PCDH15: variants seen among roughly 807,000 people sequenced by gnomAD.
PCDH15 encodes the protein protocadherin related 15, also known as protocadherin-15.
In PCDH15, 129 loss-of-function variants were observed where a neutral mutation model predicts 178.5. The observed-to-expected ratio is 0.72, with a 90% CI of 0.63 to 0.84. The LOEUF (loss-of-function observed/expected upper bound fraction) is 0.84. Ranked by LOEUF, PCDH15 falls within the 40% of genes least tolerant of loss-of-function variation. PCDH15 has a pLI of 0.00. For missense variants in PCDH15, 2,230 were observed against 2,099.9 expected, an observed-to-expected ratio of 1.06 and a Z score of -1.21; for synonymous variants, 800 against 732.0, an observed-to-expected ratio of 1.09 and a Z score of -1.50.
At chr10:55,601,072 A>T (rs772946522) in intron 2 of PCDH15, among the ~76,000 whole-genome samples, 16 of 152,044 alleles carry the variant, frequency 1.1e-4, no homozygotes, top group Non-Finnish European at 1.9e-4. Context: ...TCAATAAATG[A>T]TCTAGGAGCT....
rs111494649 is a variant in PCDH15, at chr10:54,392,770, G to A, written c.158-13828C>T. Among the ~76,000 whole-genome samples the A allele has an allele frequency of 4.8e-3, 734 of 151,598 alleles. 8 individuals are homozygous for A. Among genetic ancestry groups the A allele is most frequent in the African/African-American group, 0.017 (688 of 41,336 alleles). On this transcript the variant is annotated intron_variant, in intron 3 of 37. Coordinates refer to ENST00000644397, the MANE Select transcript of PCDH15 (RefSeq NM_001384140.1). ...AAAAATTAGCTGGGCATGGTGGTGC[G>A]TTCCTGTAGTCTCAGATACTCGAGA...
intron 10 of PCDH15, among the ~76,000 whole-genome samples, chr10:54,204,961 T>C (rs1024902885): frequency 6.6e-6 from 1 of 152,156 alleles, no homozygotes; most frequent in Non-Finnish European, 1.5e-5. Context: ...AACCAAAATA[T>C]CTGACATGTA....
intron 3 of PCDH15, among the ~76,000 whole-genome samples, chr10:54,439,426 C>T (rs955270668): frequency 3.3e-5 from 5 of 151,964 alleles, no homozygotes; most frequent in Non-Finnish European, 5.9e-5. Context: ...TTTAATGAGG[C>T]GTAGTTGTCT....
intron 18 of PCDH15, among the ~76,000 whole-genome samples, chr10:54,040,336 G>T (rs2093515130): frequency 6.6e-6 from 1 of 151,814 alleles, no homozygotes; most frequent in South Asian, 2.1e-4. Flanking sequence ...GTCTCATGAG[G>T]TCTGGTCTGA....
intron 1 of PCDH15, among the ~76,000 whole-genome samples, chr10:54,759,076 C>G (rs1947533167): frequency 6.7e-6 from 1 of 148,554 alleles, no homozygotes; most frequent in African/African-American, 2.6e-5. Flanking sequence ...CCTTCCCTCC[C>G]CCTCCATCTT....
chr10:54,106,693 A>G (rs2094924011), intron 15 of PCDH15, among the ~76,000 whole-genome samples: 1 of 152,194 alleles, frequency 6.6e-6, no homozygotes, highest in African/African-American at 2.4e-5. Context: ...GGATCCACAC[A>G]CATAAGAAAA....
intron 2 of PCDH15, among the ~76,000 whole-genome samples, chr10:54,962,293 G>A (rs1838676951): frequency 6.6e-6 from 1 of 152,214 alleles, no homozygotes; most frequent in African/African-American, 2.4e-5. Context: ...CTGGCACTGG[G>A]CAGCCACCCC....
intron 2 of PCDH15, among the ~76,000 whole-genome samples, chr10:55,509,304 A>G (rs990594124): frequency 6.6e-6 from 1 of 151,762 alleles, no homozygotes; most frequent in Non-Finnish European, 1.5e-5. Flanking sequence ...AACAAATATT[A>G]CAGCACATAG....
At chr10:55,226,353 T>G in intron 1 of PCDH15, among the ~76,000 whole-genome samples, 1 of 151,044 alleles carries the variant, frequency 6.6e-6, no homozygotes, top group Non-Finnish European at 1.5e-5. Context: ...ATAGTTTTTT[T>G]GTTTTGTTTT....
intron 18 of PCDH15, among the ~76,000 whole-genome samples, chr10:54,061,187 G>A (rs994511547): frequency 1.3e-5 from 2 of 152,144 alleles, no homozygotes; most frequent in African/African-American, 4.8e-5. Context: ...AGTTGAGTAT[G>A]AGGCCTCTAG....
chr10:54,704,896 T>G (rs774115935), intron 1 of PCDH15, among the ~76,000 whole-genome samples: 2 of 152,158 alleles, frequency 1.3e-5, no homozygotes, highest in African/African-American at 2.4e-5. Context: ...TGTAGCACTA[T>G]TCACAATATC....
At chr10:55,601,181 G>A (rs1843068386) in intron 2 of PCDH15, among the ~76,000 whole-genome samples, 1 of 152,130 alleles carries the variant, frequency 6.6e-6, no homozygotes, top group Non-Finnish European at 1.5e-5. Flanking sequence ...TTGGCAAAGA[G>A]AATTACAATA....
At chr10:55,547,908 T>TGAGAGA (rs1297847854) in intron 2 of PCDH15, among the ~76,000 whole-genome samples, 3 of 35,296 alleles carry the variant, frequency 8.5e-5, no homozygotes, top group African/African-American at 3.8e-4. Flanking sequence ...TGTGTGTGTG[T>TGAGAGA]GTGAGAGAGA....
chr10:55,439,164 AATT>A (rs1317309251), intron 2 of PCDH15, among the ~76,000 whole-genome samples: 1 of 152,064 alleles, frequency 6.6e-6, no homozygotes, highest in Non-Finnish European at 1.5e-5. Flanking sequence ...CAGCCTCTCA[AATT>A]ATTTTTTCCA....
intron 20 of PCDH15, among the ~76,000 whole-genome samples, chr10:53,998,911 G>C (rs1315126996): frequency 6.6e-6 from 1 of 151,934 alleles, no homozygotes; most frequent in African/African-American, 2.4e-5. Flanking sequence ...AATAAGCCTG[G>C]CATGGTGGCG....
chr10:54,703,493 C>T (rs2095334567), intron 1 of PCDH15, among the ~76,000 whole-genome samples: 1 of 151,808 alleles, frequency 6.6e-6, no homozygotes, highest in African/African-American at 2.4e-5. Context: ...TAGTCTCTGC[C>T]CAAAAGCACC....
In PCDH15 at chr10:55,546,882, G is replaced by C. The variant is rs965620205; in HGVS notation, c.-156+80743C>G. The stretch of plus-strand genomic sequence containing the variant: ...GGGAGAAACAACAGGGAAAGATGAA[G>C]GGGAAAGGAAGCAGGAGGCAGCAGG... On this transcript the variant is annotated intron_variant, in intron 2 of 5. Transcript: ENST00000613346. 2.0e-5 allele frequency among the ~76,000 whole-genome samples: 3 copies of C among 152,096 alleles called. No individual in the cohort carries two copies. The East Asian group carries it at 5.8e-4, about 29-fold the overall frequency.
intron 8 of PCDH15, among the ~76,000 whole-genome samples, chr10:54,279,491 A>G (rs143459044): frequency 0.015 from 2,214 of 151,780 alleles, 46 homozygotes; most frequent in South Asian, 0.044. Flanking sequence ...TCCGCAGTAG[A>G]GAAGGGAATG....
At chr10:55,061,714 G>A (rs1460741381) in intron 2 of PCDH15, among the ~76,000 whole-genome samples, 1 of 152,138 alleles carries the variant, frequency 6.6e-6, no homozygotes, top group Non-Finnish European at 1.5e-5. Flanking sequence ...ATATTACTCA[G>A]GGCACTAAAA....
Sources: allele counts gnomAD v4.1 joint callset (sites outside exome capture counted in the v4.1 genomes callset), GRCh38; gene constraint gnomAD v4.1.1; transcripts MANE v1.5; gene names NCBI Gene and HGNC (gene_info 2026-07-23, HGNC 2026-07-21).